The following SP140 variants were observed in gnomAD, a reference collection of about 807,000 sequenced individuals.
The protein encoded by SP140 is SP140 nuclear body protein, also known as nuclear body protein SP140.
In SP140, 81 loss-of-function variants were observed where a neutral mutation model predicts 125.0. That is an observed-to-expected ratio of 0.65 (90% CI 0.54 to 0.78). SP140 has a LOEUF of 0.78. Among genes scored for constraint, SP140 ranks in the 30% least tolerant of loss-of-function variants. The probability of loss-of-function intolerance (pLI) is 0.00; values close to 1 mark genes in which losing one functional copy is unlikely to be tolerated. For missense variants in SP140, 858 were observed against 1,037.0 expected (o/e 0.83, Z 2.37); for synonymous variants, 312 against 354.0 (o/e 0.88, Z 1.33).
chr2:230,215,874 T>C (rs1472868419), intron 3 of SP140, among the ~76,000 whole-genome samples: 2 of 152,166 alleles, frequency 1.3e-5, no homozygotes, highest in Non-Finnish European at 2.9e-5. Flanking sequence ...GCTATGGAAC[T>C]GAATAACTAA....
intron 15 of SP140, among the ~76,000 whole-genome samples, chr2:230,278,592 C>T (rs1405913421): frequency 6.6e-6 from 1 of 152,002 alleles, no homozygotes; most frequent in Non-Finnish European, 1.5e-5. Flanking sequence ...CCTCAAGGAG[C>T]TTTTCCTCTG....
In SP140 at chr2:230,300,740, G is replaced by C. The variant is rs548780965; in HGVS notation, c.2058+3278G>C. Among the ~76,000 whole-genome samples, 5 of 152,082 alleles carry C rather than the reference G, an allele frequency of 3.3e-5. No homozygotes were observed. In the East Asian group the frequency reaches 9.6e-4, roughly 29 times the overall value. ...ACAATTCTGATAATGACAAAACAAA[G>C]TTCTATAACACCCCCAAAAGATCAC... On this transcript the variant is annotated intron_variant, in intron 22 of 26. Coordinates refer to ENST00000392045, the MANE Select transcript of SP140 (RefSeq NM_007237.5).
chr2:230,189,935 G>A, the SP140 span, among the ~76,000 whole-genome samples: 3 of 152,152 alleles, frequency 2.0e-5, no homozygotes, highest in Non-Finnish European at 4.4e-5. Flanking sequence ...TCTTTATCCA[G>A]TCTAAATGCT....
chr2:230,249,025 T>C, intron 9 of SP140, 57 bp downstream of exon 9: 1 of 1,446,004 alleles, frequency 6.9e-7, no homozygotes, highest in South Asian at 1.2e-5. Flanking sequence ...CTAGTTGGCA[T>C]GGAAAAAAAG....
chr2:230,191,214 C>A, the SP140 span, among the ~76,000 whole-genome samples: 2 of 152,060 alleles, frequency 1.3e-5, no homozygotes, highest in African/African-American at 4.8e-5. Context: ...GACACCCTAA[C>A]ATCACAATTA....
intron 23 of SP140, chr2:230,310,352 T>G: frequency 2.1e-6 from 1 of 481,344 alleles, no homozygotes; most frequent in Non-Finnish European, 3.8e-6. Flanking sequence ...ACCAGTTGTT[T>G]ATATTTTGTG....
At chr2:230,302,795 TTC>T (rs1413718882) in intron 22 of SP140, among the ~76,000 whole-genome samples, 1 of 152,204 alleles carries the variant, frequency 6.6e-6, no homozygotes, top group Non-Finnish European at 1.5e-5. Context: ...TTAAATAATC[TTC>T]TCCTGAATGA....
intron 21 of SP140, among the ~76,000 whole-genome samples, chr2:230,294,809 C>T (rs898976624): frequency 4.6e-5 from 7 of 152,290 alleles, no homozygotes; most frequent in East Asian, 3.9e-4. Context: ...TTAATGAAAT[C>T]GGCAACAAAA....
chr2:230,247,185 A>T (rs1312137290), intron 7 of SP140, among the ~76,000 whole-genome samples: 1 of 152,190 alleles, frequency 6.6e-6, no homozygotes, highest in African/African-American at 2.4e-5. Flanking sequence ...AAGTTCATTC[A>T]TCTGAGTACC....
chr2:230,206,841 A>G (rs1287428902), intron 1 of SP140, among the ~76,000 whole-genome samples: 11 of 151,862 alleles, frequency 7.2e-5, no homozygotes, highest in Admixed American at 7.2e-4. Context: ...CTATTTTTCT[A>G]GTTAATTACT....
intron 5 of SP140, among the ~76,000 whole-genome samples, chr2:230,244,412 C>T (rs905883116): frequency 7.9e-5 from 12 of 152,134 alleles, no homozygotes; most frequent in Non-Finnish European, 1.5e-4. Context: ...TGACTCACTG[C>T]GGTGATGGTT....
intron 10 of SP140, 137 bp from the exon 11 acceptor site, chr2:230,253,179 G>C (rs141553384): frequency 1.2e-3 from 777 of 660,206 alleles, no homozygotes; most frequent in Non-Finnish European, 1.3e-3. Context: ...CTGAGAATTA[G>C]AGAGAAGGAG....
intron 11 of SP140, among the ~76,000 whole-genome samples, chr2:230,254,381 G>T (rs2050832073): frequency 6.6e-6 from 1 of 152,174 alleles, no homozygotes; most frequent in South Asian, 2.1e-4. Context: ...CAGAGGGTAA[G>T]AATTCTTTCT....
At position 230,237,332 on chromosome 2, in the gene SP140, G is replaced by A. The variant is rs2048142396; in HGVS notation, c.237+72G>A. ...TATGCCAAACTTCAAGATGCAATGA[G>A]CAGGCTAAAGGGCCTCCTGTGAGTG... On this transcript the variant is annotated intron_variant, in intron 2 of 26. Coordinates refer to ENST00000392045, the MANE Select transcript of SP140 (RefSeq NM_007237.5). This position sits in a 1 kb window ranked among gnomAD's most constrained non-coding sequence, Gnocchi z 5.4. The A allele has an allele frequency of 6.3e-6, 9 of 1,422,492 alleles. No homozygotes were observed. In the Admixed American group the frequency reaches 1.3e-4, roughly 21 times the overall value. 88.1% of individuals were successfully genotyped at this position (1,422,492 alleles called of 1,614,324 possible).
chr2:230,234,716 T>A (rs2149085660), intron 1 of SP140, among the ~76,000 whole-genome samples: 1 of 152,354 alleles, frequency 6.6e-6, no homozygotes, highest in African/African-American at 2.4e-5. Flanking sequence ...ATAAAAATTT[T>A]CATTCACTTT....
chr2:230,233,946 G>A (rs2149080050), intron 1 of SP140, among the ~76,000 whole-genome samples: 1 of 152,316 alleles, frequency 6.6e-6, no homozygotes, highest in South Asian at 2.1e-4. Context: ...ACACCTGAAA[G>A]GGTCTTGCAC....
chr2:230,310,376 G>C, intron 23 of SP140: 1 of 487,844 alleles, frequency 2.0e-6, no homozygotes, highest in Non-Finnish European at 3.7e-6. Context: ...ATTCATACAA[G>C]ACAGGAAGCA....
chr2:230,223,969 A>C (rs1167176237), upstream of SP140, among the ~76,000 whole-genome samples: 1 of 152,198 alleles, frequency 6.6e-6, no homozygotes, highest in Non-Finnish European at 1.5e-5. Flanking sequence ...AAAGGAAGAC[A>C]TTGGGAACCA....
At position 230,245,125 on chromosome 2, in the gene SP140, C is replaced by T. The variant is rs373480492; in HGVS notation, c.664+45C>T. 40 of 1,323,774 alleles carry T rather than the reference C, an allele frequency of 3.0e-5. 1 individual carries two copies. In the African/African-American group the frequency reaches 5.2e-4, roughly 17 times the overall value. The allele number at this position is 1,323,774 out of a possible 1,614,324, so 82.0% of individuals were successfully genotyped here. ...CCAATTATCTCATTAAATTAGTTGG[C>T]CTATCTCTATGCAACCAACACTTCC... On this transcript the variant is annotated intron_variant, in intron 6 of 26. Transcript: ENST00000392045.
Sources: allele counts gnomAD v4.1 joint callset (sites outside exome capture counted in the v4.1 genomes callset), GRCh38; gene constraint gnomAD v4.1.1; non-coding constraint Gnocchi (gnomAD v3.1); transcripts MANE v1.5; gene names NCBI Gene and HGNC (gene_info 2026-07-23, HGNC 2026-07-21).